The following AOAH variants were observed in gnomAD, a reference collection of about 807,000 sequenced individuals.
The protein encoded by AOAH is acyloxyacyl hydrolase (neutrophil).
A neutral mutation model predicts 92.2 loss-of-function variants in AOAH; 64 were observed. The ratio of observed to expected loss-of-function variants is 0.69; its 90% CI spans 0.57 to 0.86. The LOEUF (loss-of-function observed/expected upper bound fraction) is 0.86. Among genes scored for constraint, AOAH ranks in the 40% least tolerant of loss-of-function variants. AOAH has a pLI of 0.00. For missense variants in AOAH, 656 were observed against 694.6 expected (o/e 0.94, Z 0.62); for synonymous variants, 263 against 254.5 (o/e 1.03, Z -0.32).
In AOAH at chr7:36,717,204, G is replaced by C. The variant is rs529766725; in HGVS notation, c.127+6818C>G. Among the ~76,000 whole-genome samples the C allele has an allele frequency of 5.9e-5, 9 of 152,194 alleles. No individual in the cohort carries two copies. In the South Asian group the frequency reaches 1.9e-3, roughly 32 times the overall value. On this transcript the variant is annotated intron_variant, in intron 1 of 20. Transcript: ENST00000617537. Reference sequence around the variant, plus strand: ...GTTCCCCACTGCGGGGTTACGCTTTGGGATTGGAGCTGGGGTTGTTTGTGA... The same window carrying C: ...GTTCCCCACTGCGGGGTTACGCTTTCGGATTGGAGCTGGGGTTGTTTGTGA...
chr7:36,667,099 C>A (rs1795591850), intron 3 of AOAH, among the ~76,000 whole-genome samples: 1 of 152,142 alleles, frequency 6.6e-6, no homozygotes, highest in Non-Finnish European at 1.5e-5. Flanking sequence ...TTGTTGAGTT[C>A]AACTACAGTA....
In AOAH at chr7:36,513,130, A is replaced by G; in HGVS notation, c.*122T>C. On this transcript the variant is annotated 3_prime_UTR_variant, in exon 21 of 21. Coordinates refer to ENST00000617537, the MANE Select transcript of AOAH (RefSeq NM_001637.4). ...TCATTGAGAGAAAGACATTTTGCAA[A>G]GATGCTGCTGAAGAAGAGTCCTTTG... 1 of 1,609,808 alleles carries G rather than the reference A, an allele frequency of 6.2e-7. No individual in the cohort carries two copies. The highest frequency in any genetic ancestry group is 8.5e-7 in the Non-Finnish European group (1 of 1,179,860).
Position 36,632,059 on chromosome 7 carries a change from G to T in AOAH, c.498C>A (p.Ala166=). 6.2e-7 allele frequency: 1 copy of T among 1,612,802 alleles called. No individual in the cohort carries two copies. Among genetic ancestry groups the T allele is most frequent in the Non-Finnish European group, 8.5e-7 (1 of 1,179,424 alleles). The part of the protein sequence containing the change: ...GSDICSLPVL[A]KICQKIKLAM... ...ACAATTTAATTTTCTGGCAGATCTT[G>T]GCCAAAACCGGGAGTGAACAAATGT... Residue 166 remains alanine, a synonymous_variant, in exon 6 of 21, where the codon GCC becomes GCA. Transcript: ENST00000617537.
At position 36,552,450 on chromosome 7, in the gene AOAH, T is replaced by G. The variant is rs186973448; in HGVS notation, c.1022-2975A>C. On this transcript the variant is annotated intron_variant, in intron 13 of 20. Coordinates refer to ENST00000617537, the MANE Select transcript of AOAH (RefSeq NM_001637.4). ...TTCATCTCTTTGCTATCATGAATAG[T>G]GCTGCAATGAACATACACATGCATG... Among the ~76,000 whole-genome samples the G allele has an allele frequency of 1.1e-3, 161 of 152,324 alleles. 1 individual carries two copies. The highest frequency in any genetic ancestry group is 3.4e-3 in the Middle Eastern group (1 of 294).
chr7:36,715,528 GC>G, intron 1 of AOAH, among the ~76,000 whole-genome samples: 1 of 150,962 alleles, frequency 6.6e-6, no homozygotes, highest in Non-Finnish European at 1.5e-5. Context: ...TCAATCCTAA[GC>G]CAAAAGAACA....
At chr7:36,518,920 C>A (rs2115779292) in intron 20 of AOAH, among the ~76,000 whole-genome samples, 1 of 152,266 alleles carries the variant, frequency 6.6e-6, no homozygotes, top group Non-Finnish European at 1.5e-5. Flanking sequence ...TATACTGACT[C>A]CAGGATGCAC....
At chr7:36,637,938 C>T (rs915997714) in intron 4 of AOAH, 28 bp from the exon 5 acceptor site, 3 of 1,557,828 alleles carry the variant, frequency 1.9e-6, no homozygotes, top group Non-Finnish European at 2.7e-6. Flanking sequence ...GAGAACATTA[C>T]AACTCATGTT....
At chr7:36,701,029 T>C (rs757618198) in intron 1 of AOAH, among the ~76,000 whole-genome samples, 1 of 152,004 alleles carries the variant, frequency 6.6e-6, no homozygotes, top group African/African-American at 2.4e-5. Context: ...TTTAATGGAG[T>C]TATTTAGGGC....
At chr7:36,585,478 C>T (rs888330098) in intron 12 of AOAH, among the ~76,000 whole-genome samples, 1 of 152,072 alleles carries the variant, frequency 6.6e-6, no homozygotes, top group South Asian at 2.1e-4. Flanking sequence ...ACATTTGGGT[C>T]CAATAATTTT....
In AOAH at chr7:36,627,551, A is replaced by C. The variant is rs548905737; in HGVS notation, c.522-4301T>G. ...CTTAGACATGGAAAGCACTCAAAAAAAAAACAAAACAAAACACATGAGCTC... is the reference window on the plus strand; with the variant it reads ...CTTAGACATGGAAAGCACTCAAAAACAAAACAAAACAAAACACATGAGCTC... On this transcript the variant is annotated intron_variant, in intron 6 of 20. Coordinates refer to ENST00000617537, the MANE Select transcript of AOAH (RefSeq NM_001637.4). 8.5e-5 allele frequency among the ~76,000 whole-genome samples: 13 copies of C among 152,168 alleles called. No homozygotes were observed. In the South Asian group the frequency reaches 1.0e-3, roughly 12 times the overall value.
intron 12 of AOAH, 84 bp from the exon 13 acceptor site, chr7:36,576,740 TA>T (rs1292383767): frequency 1.6e-5 from 10 of 640,428 alleles, no homozygotes; most frequent in African/African-American, 7.7e-5. Flanking sequence ...ATCACGCTTT[TA>T]AAAAAATATG....
At chr7:36,554,546 T>C (rs1304861642) in intron 13 of AOAH, among the ~76,000 whole-genome samples, 1 of 152,268 alleles carries the variant, frequency 6.6e-6, no homozygotes, top group Non-Finnish European at 1.5e-5. Context: ...TTGATGGCGA[T>C]GGCATTGAAT....
At chr7:36,598,490 C>T (rs1289000356) in intron 11 of AOAH, among the ~76,000 whole-genome samples, 1 of 152,144 alleles carries the variant, frequency 6.6e-6, no homozygotes, top group African/African-American at 2.4e-5. Flanking sequence ...GAAATATCAC[C>T]TTATTTACTT....
chr7:36,665,428 ATT>A (rs35210064), intron 3 of AOAH, among the ~76,000 whole-genome samples: 2,768 of 142,804 alleles, frequency 0.019, 72 homozygotes, highest in African/African-American at 0.067. Context: ...TAGTTCTAGA[ATT>A]TTTTTTTTTT....
intron 19 of AOAH, among the ~76,000 whole-genome samples, chr7:36,527,493 G>A (rs1039822651): frequency 1.3e-5 from 2 of 151,790 alleles, no homozygotes; most frequent in South Asian, 2.1e-4. Flanking sequence ...TACCTTCCTC[G>A]AAGGAACTCA....
intron 12 of AOAH, among the ~76,000 whole-genome samples, chr7:36,581,054 G>C (rs912610128): frequency 2.6e-5 from 4 of 152,062 alleles, no homozygotes; most frequent in African/African-American, 7.2e-5. Flanking sequence ...GTATGGGAGG[G>C]GCAGTTGACC....
chr7:36,561,572 C>T (rs118046643), intron 13 of AOAH, among the ~76,000 whole-genome samples: 79 of 150,644 alleles, frequency 5.2e-4, no homozygotes, highest in Non-Finnish European at 9.6e-4. Flanking sequence ...CGGTGGCACA[C>T]GCATCGGCTG....
chr7:36,711,665 G>A (rs1029706615), intron 1 of AOAH, among the ~76,000 whole-genome samples: 6 of 152,150 alleles, frequency 3.9e-5, no homozygotes, highest in African/African-American at 9.7e-5. Context: ...GAACTGCCAC[G>A]GTAAAGGGCA....
intron 13 of AOAH, among the ~76,000 whole-genome samples, chr7:36,553,869 G>T (rs1245412625): frequency 6.6e-6 from 1 of 152,168 alleles, no homozygotes; most frequent in Non-Finnish European, 1.5e-5. Flanking sequence ...GTTCATTGTA[G>T]ATTCTGGATA....
Sources: allele counts gnomAD v4.1 joint callset (sites outside exome capture counted in the v4.1 genomes callset), GRCh38; gene constraint gnomAD v4.1.1; transcripts MANE v1.5; gene names NCBI Gene and HGNC (gene_info 2026-07-23, HGNC 2026-07-21).